The following MACF1 variants were observed in gnomAD, a reference collection of about 807,000 sequenced individuals.
MACF1 encodes microtubule actin crosslinking factor 1, also known as microtubule-actin cross-linking factor 1.
MACF1 carries 193 observed loss-of-function variants against 854.8 expected under a neutral mutation model. That is an observed-to-expected ratio of 0.23 (90% CI 0.20 to 0.25). The LOEUF (loss-of-function observed/expected upper bound fraction) is 0.25. Among genes scored for constraint, MACF1 ranks in the 10% least tolerant of loss-of-function variants. The pLI is 1.00. For synonymous variants in MACF1, 3,185 were observed against 3,226.7 expected (o/e 0.99, Z 0.44); for missense variants, 7,722 against 8,929.1 (o/e 0.86, Z 5.45).
intron 2 of MACF1, among the ~76,000 whole-genome samples, chr1:39,167,030 C>A (rs576803380): frequency 6.6e-6 from 1 of 151,672 alleles, no homozygotes; most frequent in South Asian, 2.1e-4. Flanking sequence ...GGCACAATCT[C>A]GGCTCACTGC....
At chr1:39,251,991 C>A in intron 4 of MACF1, 50 bp downstream of exon 4, 1 of 1,299,876 alleles carries the variant, frequency 7.7e-7, no homozygotes, top group East Asian at 2.8e-5. Context: ...GCTGGCACTG[C>A]AGGGCCATCA....
At chr1:39,160,294 A>C (rs1251813097) in intron 2 of MACF1, among the ~76,000 whole-genome samples, 2 of 152,296 alleles carry the variant, frequency 1.3e-5, no homozygotes, top group African/African-American at 2.4e-5. Flanking sequence ...CAGAGTCTGG[A>C]GTGAGAAGAG....
At chr1:39,463,501 A>AG (rs1644599635) in intron 93 of MACF1, 111 bp from the exon 94 acceptor site, 2 of 740,866 alleles carry the variant, frequency 2.7e-6, no homozygotes, top group East Asian at 5.7e-5. Context: ...AAAAAAAAAA[A>AG]AAAATGTAAA....
intron 15 of MACF1, among the ~76,000 whole-genome samples, chr1:39,290,306 T>A (rs1234436743): frequency 1.3e-5 from 2 of 152,196 alleles, no homozygotes; most frequent in Non-Finnish European, 2.9e-5. Flanking sequence ...CCCCAGTGTA[T>A]GTTCTTGGCA....
chr1:39,374,143 G>T (rs1649510899), intron 52 of MACF1, among the ~76,000 whole-genome samples: 1 of 151,960 alleles, frequency 6.6e-6, no homozygotes, highest in South Asian at 2.1e-4. Context: ...TCAGGAGGCT[G>T]ATGTGGGAGA....
At chr1:39,170,023 C>T (rs191828254) in intron 2 of MACF1, among the ~76,000 whole-genome samples, 38 of 151,650 alleles carry the variant, frequency 2.5e-4, no homozygotes, top group African/African-American at 8.0e-4. Context: ...CCTTGTGATC[C>T]GCCCGCCTCT....
Position 39,485,674 on chromosome 1 carries a change from A to G in MACF1, c.22548A>G (p.Glu7516=). 1 of 1,614,148 alleles carries G rather than the reference A, an allele frequency of 6.2e-7. No individual in the cohort carries two copies. Among genetic ancestry groups the G allele is most frequent in the Middle Eastern group, 1.6e-4 (1 of 6,062 alleles). Residue 7516 remains glutamate, a synonymous_variant, in exon 101 of 101, where the codon GAA becomes GAG. Coordinates refer to ENST00000564288, the MANE Select transcript of MACF1 (RefSeq NM_001394062.1). ...ETQSACSDTS[E]SSAAGGQGNS... ...AGTCTGCTTGTTCCGACACTTCAGA[A>G]AGCAGCGCTGCAGGGGGCCAAGGCA...
chr1:39,297,599 C>T (rs1002241366), intron 20 of MACF1, 21 bp from the exon 21 acceptor site: 2 of 1,613,808 alleles, frequency 1.2e-6, no homozygotes, highest in Admixed American at 1.7e-5. Flanking sequence ...CAGAAGGCAT[C>T]CTTACTTTGT....
At chr1:39,402,468 T>C (rs1331361817) in intron 58 of MACF1, among the ~76,000 whole-genome samples, 1 of 152,026 alleles carries the variant, frequency 6.6e-6, no homozygotes, top group African/African-American at 2.4e-5. Context: ...CCAATAAATA[T>C]TTGGTGAATG....
intron 2 of MACF1, among the ~76,000 whole-genome samples, chr1:39,156,832 C>T (rs1315622337): frequency 6.6e-6 from 1 of 152,096 alleles, no homozygotes; most frequent in Non-Finnish European, 1.5e-5. Flanking sequence ...AAAAATGAAC[C>T]ATGTATTTGT....
chr1:39,252,804 A>G (rs1645055991), intron 4 of MACF1, among the ~76,000 whole-genome samples: 1 of 152,246 alleles, frequency 6.6e-6, no homozygotes, highest in Non-Finnish European at 1.5e-5. Context: ...TGAAGAAGTT[A>G]TCCTGTGCCC....
chr1:39,394,839 G>C (rs564200940), intron 58 of MACF1, among the ~76,000 whole-genome samples: 1 of 152,210 alleles, frequency 6.6e-6, no homozygotes, highest in African/African-American at 2.4e-5. Context: ...ATCACACTTG[G>C]TATGACCTGT....
At chr1:39,260,902 C>T (rs551691189) in intron 6 of MACF1, among the ~76,000 whole-genome samples, 10 of 152,014 alleles carry the variant, frequency 6.6e-5, no homozygotes, top group Non-Finnish European at 1.5e-4. Flanking sequence ...TTCCTACACA[C>T]ACAGAGATCT....
chr1:39,449,745 C>T (rs894258458), intron 84 of MACF1, among the ~76,000 whole-genome samples: 20 of 147,066 alleles, frequency 1.4e-4, no homozygotes, highest in African/African-American at 5.1e-4. Flanking sequence ...CTCTCTGGCC[C>T]AGGCTGGAGT....
At position 39,374,805 on chromosome 1, in the gene MACF1, C is replaced by T. The variant is rs565158960; in HGVS notation, c.13213+2209C>T. ...AGAAATCTCATATAGAACCCTACTACGTAAAACAAAACATTTTGTTGGCTG... is the reference window on the plus strand; with the variant it reads ...AGAAATCTCATATAGAACCCTACTATGTAAAACAAAACATTTTGTTGGCTG... On this transcript the variant is annotated intron_variant, in intron 52 of 100. Transcript: ENST00000564288. Among the ~76,000 whole-genome samples the T allele has an allele frequency of 1.3e-4, 20 of 152,206 alleles. 1 individual carries two copies. The South Asian group carries it at 3.9e-3, about 30-fold the overall frequency.
chr1:39,414,166 C>T, intron 58 of MACF1: 1 of 1,612,016 alleles, frequency 6.2e-7, no homozygotes, highest in Non-Finnish European at 8.5e-7. Context: ...AGCAGCAGTG[C>T]CCACCCCAGA....
At chr1:39,166,883 G>A (rs1313425126) in intron 2 of MACF1, among the ~76,000 whole-genome samples, 1 of 152,178 alleles carries the variant, frequency 6.6e-6, no homozygotes, top group Non-Finnish European at 1.5e-5. Context: ...GGGAAGTGGG[G>A]ATATAGCTAA....
chr1:39,448,770 A>C lies in MACF1; in HGVS notation c.20258+7A>C. Reference sequence around the variant, plus strand: ...GTGGCAAGTCTGTGGAGCGGTGAGCATGAATGTCCCCTTCAGGGGTCTAAC... The same window carrying C: ...GTGGCAAGTCTGTGGAGCGGTGAGCCTGAATGTCCCCTTCAGGGGTCTAAC... On this transcript the variant is annotated splice_region_variant and intron_variant, in intron 84 of 100. Coordinates refer to ENST00000564288, the MANE Select transcript of MACF1 (RefSeq NM_001394062.1). 1 of 1,602,326 alleles carries C rather than the reference A, an allele frequency of 6.2e-7. No individual in the cohort carries two copies. The highest frequency in any genetic ancestry group is 8.5e-7 in the Non-Finnish European group (1 of 1,173,462).
intron 58 of MACF1, among the ~76,000 whole-genome samples, chr1:39,406,270 GTCGTA>G (rs1642695797): frequency 6.6e-6 from 1 of 152,184 alleles, no homozygotes; most frequent in African/African-American, 2.4e-5. Context: ...GAATTTCATA[GTCGTA>G]GGAATGCTCC....
Sources: allele counts gnomAD v4.1 joint callset (sites outside exome capture counted in the v4.1 genomes callset), GRCh38; gene constraint gnomAD v4.1.1; transcripts MANE v1.5; gene names NCBI Gene and HGNC (gene_info 2026-07-23, HGNC 2026-07-21).